C10orf90: variants seen among roughly 807,000 people sequenced by gnomAD.
The protein encoded by C10orf90 is (E2-independent) E3 ubiquitin-conjugating enzyme FATS.
C10orf90 carries 56 observed loss-of-function variants against 62.5 expected under a neutral mutation model. That is an observed-to-expected ratio of 0.90 (90% CI 0.72 to 1.12). The LOEUF is 1.12. Ranked by LOEUF, C10orf90 falls within the 50% of genes most tolerant of loss-of-function variation. The pLI is 0.00. For synonymous variants in C10orf90, 386 were observed against 340.4 expected (o/e 1.13, Z -1.47); for missense variants, 970 against 880.4 (o/e 1.10, Z -1.29).
intron 2 of C10orf90, among the ~76,000 whole-genome samples, chr10:126,627,947 T>G (rs1382288779): frequency 6.6e-6 from 1 of 152,244 alleles, no homozygotes; most frequent in Non-Finnish European, 1.5e-5. Context: ...CTCAAAATGC[T>G]GGGCCAGTTT....
chr10:126,660,844 T>C (rs867109509), intron 1 of C10orf90, among the ~76,000 whole-genome samples: 3 of 152,230 alleles, frequency 2.0e-5, no homozygotes, highest in African/African-American at 7.2e-5. Context: ...ATCTCAGTCA[T>C]AAGTACAGCA....
Position 126,456,104 on chromosome 10 carries a change from A to C in C10orf90, c.2188+2936T>G, listed in dbSNP as rs1229088784. ...CAAAGCTCGTTCACGCATATGATTT[A>C]TGAACTAATTTAGCAAGTAAGAAAA... is the stretch of plus-strand genomic sequence containing the variant. On this transcript the variant is annotated intron_variant, in intron 7 of 9. Transcript: ENST00000488181. The surrounding 1 kb of genome is among the most constrained non-coding windows in gnomAD (Gnocchi z 4.9). Among the ~76,000 whole-genome samples, 1 of 152,262 alleles carries C rather than the reference A, an allele frequency of 6.6e-6. No individual in the cohort carries two copies. Among genetic ancestry groups the C allele is most frequent in the Non-Finnish European group, 1.5e-5 (1 of 68,046 alleles).
chr10:126,527,427 T>C, intron 2 of C10orf90, among the ~76,000 whole-genome samples: 1 of 152,180 alleles, frequency 6.6e-6, no homozygotes, highest in Admixed American at 6.5e-5. Context: ...TTCTTAGGAT[T>C]TCTGGGGAAA....
intron 2 of C10orf90, chr10:126,524,783 T>C: frequency 1.0e-6 from 1 of 985,504 alleles, no homozygotes; most frequent in Non-Finnish European, 1.2e-6. Flanking sequence ...GGGCTTGTCC[T>C]ACAAGAGCTG....
chr10:126,607,592 T>C (rs1367886315), intron 2 of C10orf90, among the ~76,000 whole-genome samples: 6 of 152,206 alleles, frequency 3.9e-5, no homozygotes. Context: ...TTCTCAATAA[T>C]TAGGGACTTT....
chr10:126,545,033 T>C (rs1202494144), intron 2 of C10orf90, among the ~76,000 whole-genome samples: 1 of 152,206 alleles, frequency 6.6e-6, no homozygotes. Context: ...ATTTAAAAGA[T>C]GTGGTGCAAT....
chr10:126,642,344 A>T (rs553516979), intron 2 of C10orf90, among the ~76,000 whole-genome samples: 73 of 152,108 alleles, frequency 4.8e-4, no homozygotes, highest in Admixed American at 8.5e-4. Flanking sequence ...CATCCTGGCT[A>T]ACATGGTGAA....
intron 1 of C10orf90, among the ~76,000 whole-genome samples, chr10:126,647,812 T>C (rs1846201867): frequency 1.3e-5 from 2 of 152,228 alleles, no homozygotes; most frequent in African/African-American, 4.8e-5. Flanking sequence ...TATGCTTCTT[T>C]TAGCTCCACT....
At chr10:126,661,208 C>G (rs1846503061) in intron 1 of C10orf90, among the ~76,000 whole-genome samples, 1 of 152,126 alleles carries the variant, frequency 6.6e-6, no homozygotes, top group Non-Finnish European at 1.5e-5. Context: ...TGCCATGGCT[C>G]TATGATAGAG....
intron 2 of C10orf90, among the ~76,000 whole-genome samples, chr10:126,549,336 T>C (rs901406497): frequency 7.2e-5 from 11 of 151,908 alleles, no homozygotes; most frequent in Middle Eastern, 3.2e-3. Context: ...ACAGCCCAAT[T>C]AGAAAATGGA....
chr10:126,432,763 GA>G (rs1857664589), intron 7 of C10orf90, among the ~76,000 whole-genome samples: 1 of 152,234 alleles, frequency 6.6e-6, no homozygotes, highest in South Asian at 2.1e-4. Context: ...GCTGCCTGGG[GA>G]TTTTGGCAAA....
chr10:126,627,061 G>A (rs897403859), intron 2 of C10orf90, among the ~76,000 whole-genome samples: 2 of 147,196 alleles, frequency 1.4e-5, no homozygotes, highest in Non-Finnish European at 3.0e-5. Flanking sequence ...GTGCAGTGGT[G>A]CAATCTTGGC....
intron 1 of C10orf90, among the ~76,000 whole-genome samples, chr10:126,668,595 C>T (rs1167812732): frequency 2.0e-5 from 3 of 152,150 alleles, no homozygotes; most frequent in African/African-American, 7.2e-5. Context: ...CAAGAGCAGA[C>T]CTTGAAGTTC....
intron 7 of C10orf90, among the ~76,000 whole-genome samples, chr10:126,439,109 A>G (rs1858130875): frequency 6.6e-6 from 1 of 152,296 alleles, no homozygotes; most frequent in Non-Finnish European, 1.5e-5. Flanking sequence ...AGAAAAAGCA[A>G]TCAGGAGGAT....
At chr10:126,603,156 G>A (rs530927978) in intron 2 of C10orf90, among the ~76,000 whole-genome samples, 3 of 151,004 alleles carry the variant, frequency 2.0e-5, no homozygotes, top group East Asian at 2.0e-4. Flanking sequence ...CCGTTCTCAC[G>A]CTGCTAATAA....
chr10:126,521,829 G>A (rs571319528), intron 2 of C10orf90, among the ~76,000 whole-genome samples: 1 of 152,264 alleles, frequency 6.6e-6, no homozygotes, highest in African/African-American at 2.4e-5. Context: ...AAATTATAAT[G>A]AGCATTGTTT....
chr10:126,608,482 C>T (rs1412393631), intron 2 of C10orf90, among the ~76,000 whole-genome samples: 1 of 152,166 alleles, frequency 6.6e-6, no homozygotes, highest in Non-Finnish European at 1.5e-5. Context: ...GATATATGCA[C>T]TTAACCACAA....
At chr10:126,663,339 C>T (rs984604626) in intron 1 of C10orf90, among the ~76,000 whole-genome samples, 1 of 152,136 alleles carries the variant, frequency 6.6e-6, no homozygotes, top group Admixed American at 6.5e-5. Flanking sequence ...AGATGTGCTG[C>T]CCCCGACCCA....
intron 5 of C10orf90, among the ~76,000 whole-genome samples, chr10:126,462,991 T>A (rs1263748787): frequency 1.3e-5 from 2 of 152,174 alleles, no homozygotes; most frequent in African/African-American, 4.8e-5. Flanking sequence ...TGGTTCCTTC[T>A]GGAAAAGAGC....
Sources: gnomAD v4.1 joint callset for allele counts (sites outside exome capture counted in the v4.1 genomes callset) on GRCh38, gnomAD v4.1.1 for gene constraint, Gnocchi (gnomAD v3.1) non-coding constraint, MANE v1.5 for transcripts, NCBI Gene and HGNC (gene_info 2026-07-23, HGNC 2026-07-21) for gene names.